Variants in CADPS2 observed in about 807,000 individuals in gnomAD.
CADPS2 encodes calcium-dependent secretion activator 2.
CADPS2 carries 93 observed loss-of-function variants against 172.5 expected under a neutral mutation model. That is an observed-to-expected ratio of 0.54 (90% CI 0.46 to 0.64). CADPS2 has a LOEUF of 0.64. Ranked by LOEUF, CADPS2 falls within the 30% of genes least tolerant of loss-of-function variation. The pLI, the probability that CADPS2 is intolerant of heterozygous loss-of-function variation, is 0.00. For missense variants in CADPS2, 1,420 were observed against 1,565.9 expected, an observed-to-expected ratio of 0.91 and a Z score of 1.57; for synonymous variants, 546 against 555.2, an observed-to-expected ratio of 0.98 and a Z score of 0.23.
intron 2 of CADPS2, among the ~76,000 whole-genome samples, chr7:122,668,244 A>AT (rs34508926): frequency 0.046 from 6,944 of 151,222 alleles, 174 homozygotes; most frequent in Middle Eastern, 0.11. Context: ...GGAAAATTCC[A>AT]TTTTTTTTTA....
chr7:122,446,896 A>G (rs754985377), intron 15 of CADPS2, among the ~76,000 whole-genome samples: 33 of 152,274 alleles, frequency 2.2e-4, no homozygotes, highest in Non-Finnish European at 4.1e-4. Flanking sequence ...TCCATTTCTC[A>G]GGAATCACTT....
At chr7:122,809,405 TAA>T (rs560420249) in intron 1 of CADPS2, among the ~76,000 whole-genome samples, 14 of 120,882 alleles carry the variant, frequency 1.2e-4, no homozygotes, top group Admixed American at 3.5e-4. Flanking sequence ...CCATCTCTAC[TAA>T]AAAAAAAAAA....
chr7:122,610,579 A>G (rs1302626362), intron 6 of CADPS2, among the ~76,000 whole-genome samples: 1 of 152,140 alleles, frequency 6.6e-6, no homozygotes, highest in Non-Finnish European at 1.5e-5. Flanking sequence ...GCAAATGGCC[A>G]TGACAGAACT....
intron 13 of CADPS2, among the ~76,000 whole-genome samples, chr7:122,471,838 T>A (rs1054973738): frequency 6.6e-6 from 1 of 152,136 alleles, no homozygotes; most frequent in African/African-American, 2.4e-5. Context: ...AATTTATTCA[T>A]AGGATCTAAA....
chr7:122,609,257 T>A (rs2073993162), intron 6 of CADPS2, among the ~76,000 whole-genome samples: 1 of 152,086 alleles, frequency 6.6e-6, no homozygotes. Context: ...AAATAACAAA[T>A]CTTATTCTCC....
chr7:122,324,634 G>A (rs1341784697), intron 29 of CADPS2, among the ~76,000 whole-genome samples: 1 of 151,726 alleles, frequency 6.6e-6, no homozygotes, highest in Non-Finnish European at 1.5e-5. Context: ...TATGTGTGTG[G>A]GTACATACAC....
intron 8 of CADPS2, among the ~76,000 whole-genome samples, chr7:122,520,057 G>A (rs1231342393): frequency 6.6e-6 from 1 of 152,002 alleles, no homozygotes; most frequent in Non-Finnish European, 1.5e-5. Context: ...GTAGCTGGAA[G>A]ATAACACCAC....
chr7:122,390,602 T>G, intron 22 of CADPS2, among the ~76,000 whole-genome samples: 1 of 152,202 alleles, frequency 6.6e-6, no homozygotes, highest in South Asian at 2.1e-4. Context: ...GCAATCTTCA[T>G]AGAGAATATG....
At chr7:122,581,815 A>G (rs1433791953) in intron 6 of CADPS2, among the ~76,000 whole-genome samples, 1 of 152,146 alleles carries the variant, frequency 6.6e-6, no homozygotes, top group Non-Finnish European at 1.5e-5. Flanking sequence ...AAAAGAAAGA[A>G]ATATGCATCA....
At chr7:122,595,183 A>G (rs1485042189) in intron 6 of CADPS2, among the ~76,000 whole-genome samples, 10 of 152,036 alleles carry the variant, frequency 6.6e-5, no homozygotes, top group Non-Finnish European at 1.5e-4. Flanking sequence ...ATCCTTTCAA[A>G]TGTAACATAA....
At chr7:122,482,968 T>C (rs941752353) in intron 11 of CADPS2, among the ~76,000 whole-genome samples, 7 of 152,194 alleles carry the variant, frequency 4.6e-5, no homozygotes, top group Admixed American at 3.9e-4. Flanking sequence ...CAGCCTAGAA[T>C]AGCACTGCTT....
chr7:122,708,424 T>A (rs552515701), intron 2 of CADPS2, among the ~76,000 whole-genome samples: 1 of 144,154 alleles, frequency 6.9e-6, no homozygotes, highest in Admixed American at 7.2e-5. Flanking sequence ...TCTATATATG[T>A]ACACACAATA....
chr7:122,399,830 G>T (rs1399243377), intron 20 of CADPS2, among the ~76,000 whole-genome samples: 2 of 150,454 alleles, frequency 1.3e-5, no homozygotes, highest in Non-Finnish European at 3.0e-5. Flanking sequence ...GGGACTACAG[G>T]CGCCCGCCAC....
At chr7:122,823,873 A>G (rs1804087522) in intron 1 of CADPS2, among the ~76,000 whole-genome samples, 1 of 152,060 alleles carries the variant, frequency 6.6e-6, no homozygotes, top group Non-Finnish European at 1.5e-5. Context: ...CATCAGACTC[A>G]GGGGTTGTGC....
chr7:122,444,563 A>T (rs576686153), intron 15 of CADPS2, among the ~76,000 whole-genome samples: 3 of 152,310 alleles, frequency 2.0e-5, no homozygotes, highest in Non-Finnish European at 4.4e-5. Context: ...TCCCTGTTGA[A>T]TAATGACGTT....
chr7:122,332,334 G>A (rs2035090333), intron 28 of CADPS2, among the ~76,000 whole-genome samples: 1 of 151,070 alleles, frequency 6.6e-6, no homozygotes, highest in Non-Finnish European at 1.5e-5. Flanking sequence ...AATGTAATGT[G>A]GAAAGACGAT....
At position 122,746,659 on chromosome 7, in the gene CADPS2, A is replaced by C. The variant is rs79193547; in HGVS notation, c.340-9591T>G. 8.9e-3 allele frequency among the ~76,000 whole-genome samples: 1,346 copies of C among 150,636 alleles called. 18 individuals are homozygous for C. The highest frequency in any genetic ancestry group is 0.026 in the African/African-American group (1,082 of 41,060). On this transcript the variant is annotated intron_variant, in intron 1 of 29. Transcript: ENST00000449022. Reference sequence around the variant, plus strand: ...CACACACAGACACACACACACACACACCCTCATGTTTTAAAGTTTACAAAT... The same window carrying C: ...CACACACAGACACACACACACACACCCCCTCATGTTTTAAAGTTTACAAAT...
intron 25 of CADPS2, among the ~76,000 whole-genome samples, chr7:122,373,166 T>A (rs1585370766): frequency 6.6e-6 from 1 of 152,116 alleles, no homozygotes; most frequent in Non-Finnish European, 1.5e-5. Context: ...GTGAACAAAC[T>A]GTCTTATAGG....
intron 2 of CADPS2, among the ~76,000 whole-genome samples, chr7:122,694,676 C>T (rs2084840599): frequency 6.6e-6 from 1 of 152,096 alleles, no homozygotes. Flanking sequence ...ACTTATAAAA[C>T]CAAGTATGTA....
Sources: allele counts gnomAD v4.1 joint callset (sites outside exome capture counted in the v4.1 genomes callset), GRCh38; gene constraint gnomAD v4.1.1; transcripts MANE v1.5; gene names NCBI Gene and HGNC (gene_info 2026-07-23, HGNC 2026-07-21).